KIF18A: variants seen among roughly 807,000 people sequenced by gnomAD.
KIF18A encodes the protein kinesin family member 18A.
In KIF18A, 67 loss-of-function variants were observed where a neutral mutation model predicts 103.3. The observed-to-expected ratio is 0.65, with a 90% CI of 0.53 to 0.79. The LOEUF (loss-of-function observed/expected upper bound fraction) is 0.79. Ranked by LOEUF, KIF18A falls within the 30% of genes least tolerant of loss-of-function variation. KIF18A has a pLI of 0.00. For synonymous variants in KIF18A, 367 were observed against 355.5 expected, an observed-to-expected ratio of 1.03 and a Z score of -0.36; for missense variants, 1,032 against 1,062.5, an observed-to-expected ratio of 0.97 and a Z score of 0.40.
intron 10 of KIF18A, 113 bp downstream of exon 10, chr11:28,076,894 A>G: frequency 1.9e-6 from 1 of 526,096 alleles, no homozygotes; most frequent in Non-Finnish European, 3.1e-6. Context: ...AGGTTGTGCC[A>G]CTGCACTCCA....
intron 10 of KIF18A, among the ~76,000 whole-genome samples, chr11:28,072,096 AAGTGTTT>A (rs1371320176): frequency 6.6e-6 from 1 of 152,144 alleles, no homozygotes; most frequent in Non-Finnish European, 1.5e-5. Context: ...AATGGCAAGT[AAGTGTTT>A]GGGAATACAT....
intron 13 of KIF18A, among the ~76,000 whole-genome samples, chr11:28,040,085 C>A (rs1850539596): frequency 6.6e-6 from 1 of 151,606 alleles, no homozygotes; most frequent in South Asian, 2.1e-4. Flanking sequence ...GAAAATGACC[C>A]AACTTAATGA....
At chr11:28,047,306 C>T (rs1850649173) in intron 13 of KIF18A, among the ~76,000 whole-genome samples, 1 of 152,034 alleles carries the variant, frequency 6.6e-6, no homozygotes, top group Non-Finnish European at 1.5e-5. Flanking sequence ...AATAAACTTA[C>T]ACACAAATGT....
intron 9 of KIF18A, among the ~76,000 whole-genome samples, chr11:28,078,440 C>T (rs939545584): frequency 6.6e-6 from 1 of 151,980 alleles, no homozygotes. Context: ...TAATATTTGT[C>T]AATTTTGTGA....
At chr11:28,105,931 G>C (rs930330458) in intron 1 of KIF18A, among the ~76,000 whole-genome samples, 3 of 152,212 alleles carry the variant, frequency 2.0e-5, no homozygotes, top group East Asian at 3.8e-4. Flanking sequence ...GGTTGTAGTA[G>C]TATTTCCATT....
At chr11:28,061,769 G>A (rs1291731966) in intron 12 of KIF18A, among the ~76,000 whole-genome samples, 1 of 152,074 alleles carries the variant, frequency 6.6e-6, no homozygotes, top group Admixed American at 6.6e-5. Flanking sequence ...AGCACTTAGA[G>A]AAATAAATAT....
intron 13 of KIF18A, among the ~76,000 whole-genome samples, chr11:28,044,410 A>C (rs928757570): frequency 6.6e-6 from 1 of 152,104 alleles, no homozygotes; most frequent in African/African-American, 2.4e-5. Flanking sequence ...GATAACTATA[A>C]ATCAGAGCTT....
At chr11:28,059,416 TA>T (rs1284014961) in intron 12 of KIF18A, among the ~76,000 whole-genome samples, 1 of 152,070 alleles carries the variant, frequency 6.6e-6, no homozygotes, top group Non-Finnish European at 1.5e-5. Flanking sequence ...CTTTGAGGGC[TA>T]AATGAGTTAA....
At chr11:28,073,469 T>A (rs1286481322) in intron 10 of KIF18A, among the ~76,000 whole-genome samples, 1 of 152,008 alleles carries the variant, frequency 6.6e-6, no homozygotes, top group African/African-American at 2.4e-5. Context: ...TATAGCAGAG[T>A]GATTAAGAGT....
intron 13 of KIF18A, among the ~76,000 whole-genome samples, chr11:28,052,232 T>G (rs780810680): frequency 2.0e-5 from 3 of 152,014 alleles, no homozygotes; most frequent in Non-Finnish European, 4.4e-5. Flanking sequence ...GTCAGAGAGA[T>G]CTTTTAAGAG....
intron 10 of KIF18A, among the ~76,000 whole-genome samples, chr11:28,071,953 T>C (rs140845976): frequency 1.3e-5 from 2 of 152,260 alleles, no homozygotes; most frequent in African/African-American, 4.8e-5. Flanking sequence ...ATATTTAATA[T>C]CAGAAAATCC....
intron 11 of KIF18A, 91 bp downstream of exon 11, chr11:28,069,168 T>C: frequency 2.0e-6 from 2 of 981,278 alleles, no homozygotes; most frequent in South Asian, 2.9e-5. Flanking sequence ...AATAGTTGTC[T>C]TATGAAAGAC....
chr11:28,048,441 G>C (rs1418255818), intron 13 of KIF18A, among the ~76,000 whole-genome samples: 1 of 151,976 alleles, frequency 6.6e-6, no homozygotes, highest in East Asian at 1.9e-4. Flanking sequence ...TTCGTTGATA[G>C]CAAAATGTGT....
chr11:28,077,865 A>G (rs536039029), intron 9 of KIF18A, among the ~76,000 whole-genome samples: 1 of 152,280 alleles, frequency 6.6e-6, no homozygotes, highest in South Asian at 2.1e-4. Flanking sequence ...CTAGAATATC[A>G]AAGATGAGGA....
chr11:28,086,688 A>G (rs1330907873), intron 6 of KIF18A, among the ~76,000 whole-genome samples: 1 of 152,214 alleles, frequency 6.6e-6, no homozygotes, highest in Non-Finnish European at 1.5e-5. Context: ...ATGTGCTTCC[A>G]CCATAGCAGT....
chr11:28,094,563 C>A, intron 3 of KIF18A, 80 bp downstream of exon 3: 2 of 972,758 alleles, frequency 2.1e-6, no homozygotes, highest in Non-Finnish European at 3.1e-6. Context: ...CACCGGAAAA[C>A]TCTTATATAA....
intron 1 of KIF18A, among the ~76,000 whole-genome samples, chr11:28,106,340 T>G (rs1851502875): frequency 6.6e-6 from 1 of 152,124 alleles, no homozygotes; most frequent in South Asian, 2.1e-4. Flanking sequence ...CTGAATTAGA[T>G]TCAGATTCAA....
At chr11:28,087,039 G>C (rs1565088422) in intron 6 of KIF18A, among the ~76,000 whole-genome samples, 1 of 151,138 alleles carries the variant, frequency 6.6e-6, no homozygotes, top group African/African-American at 2.4e-5. Context: ...GTAACATTTT[G>C]AACAGTTTAA....
Position 28,088,508 on chromosome 11 carries a change from A to C in KIF18A, c.897+16T>G, listed in dbSNP as rs762175316. On this transcript the variant is annotated intron_variant, in intron 6 of 16. Transcript: ENST00000263181. ...AATATTTCAAACTATTTAACAAATA[A>C]ACATATAATGCCTACCTTTGAATCT... 6.3e-7 allele frequency: 1 copy of C among 1,592,896 alleles called. No individual in the cohort carries two copies. Among genetic ancestry groups the C allele is most frequent in the Admixed American group, 1.7e-5 (1 of 59,934 alleles).
Sources: gnomAD v4.1 joint callset for allele counts (sites outside exome capture counted in the v4.1 genomes callset) on GRCh38, gnomAD v4.1.1 for gene constraint, MANE v1.5 for transcripts, NCBI Gene and HGNC (gene_info 2026-07-23, HGNC 2026-07-21) for gene names.